The following RABGGTA variants were observed in gnomAD, a reference collection of about 807,000 sequenced individuals.
The protein encoded by RABGGTA is geranylgeranyl transferase type-2 subunit alpha.
In RABGGTA, 69 loss-of-function variants were observed where a neutral mutation model predicts 83.3. That is an observed-to-expected ratio of 0.83 (90% CI 0.68 to 1.01). The LOEUF is 1.01. Among genes scored for constraint, RABGGTA ranks in the 50% least tolerant of loss-of-function variants. The pLI is 0.00. For missense variants in RABGGTA, 681 were observed against 712.7 expected (o/e 0.96, Z 0.51); for synonymous variants, 310 against 299.8 (o/e 1.03, Z -0.35).
chr14:24,266,879 A>T lies in RABGGTA; in HGVS notation c.1364T>A (p.Val455Glu), dbSNP rs2040880502. 2 of 1,613,512 alleles carry T rather than the reference A, an allele frequency of 1.2e-6. No individual in the cohort carries two copies. The highest frequency in any genetic ancestry group is 1.7e-6 in the Non-Finnish European group (2 of 1,179,496). The change falls in exon 15 of 17, where the codon GTG (valine) becomes GAG (glutamate). Residue 455 changes from valine to glutamate, a missense_variant. By Grantham distance (121) the Val-to-Glu change is moderately radical. Transcript: ENST00000216840. ...GAGCAGCTGTTCCAGATGGCAGAGC[A>T]CTGTCAGATCCTGGGGGGTGAAGGG... ...VLHLAHKDLT[V>E]LCHLEQLLLV... is the part of the protein sequence containing the mutation.
intron 14 of RABGGTA, 109 bp downstream of exon 14, chr14:24,267,551 C>CT: frequency 1.2e-6 from 1 of 808,086 alleles, no homozygotes; most frequent in Non-Finnish European, 2.0e-6. Flanking sequence ...GGGATGAACT[C>CT]TATCTTGATT....
In RABGGTA at chr14:24,270,332, A is replaced by G. The variant is rs2040931415; in HGVS notation, c.239+2T>C. ...CTTCTGAGATCCTGAATCCCTACGC[A>G]CTTCTGAGTCTCCAGCTGCTGGAGC... is the stretch of plus-strand genomic sequence containing the variant. On this transcript the variant is annotated splice_donor_variant, in intron 4 of 16. Transcript: ENST00000216840. LOFTEE classifies it high-confidence loss of function. 6.2e-7 allele frequency: 1 copy of G among 1,613,582 alleles called. No homozygotes were observed. Among genetic ancestry groups the G allele is most frequent in the African/African-American group, 1.3e-5 (1 of 75,018 alleles).
At position 24,269,700 on chromosome 14, in the gene RABGGTA, G is replaced by C. The variant is rs779189928; in HGVS notation, c.428-6C>G. 1.2e-6 allele frequency: 2 copies of C among 1,613,526 alleles called. No homozygotes were observed. The highest frequency in any genetic ancestry group is 1.1e-5 in the South Asian group (1 of 91,070). On this transcript the variant is annotated splice_region_variant and splice_polypyrimidine_tract_variant and intron_variant, in intron 5 of 16. Transcript: ENST00000216840. ...CCGATAGTCCCAGCAGTGAACTGGA[G>C]GGGAGAGGTGACAGCATATCTTAGA...
At position 24,268,611 on chromosome 14, in the gene RABGGTA, G is replaced by T; in HGVS notation, c.909C>A (p.Asp303Glu). 1 of 1,613,922 alleles carries T rather than the reference G, an allele frequency of 6.2e-7. No homozygotes were observed. Among genetic ancestry groups the T allele is most frequent in the Non-Finnish European group, 8.5e-7 (1 of 1,179,840 alleles). Residue 303 changes from aspartate to glutamate, a missense_variant, in exon 10 of 17, where the codon GAC (aspartate) becomes GAA (glutamate). By Grantham distance (45) the Asp-to-Glu change is conservative. Around this residue, in one of 5 missense-constraint regions of RABGGTA, gnomAD observed 421 missense variants for 418.5 expected, o/e 1.01. Coordinates refer to ENST00000216840, the MANE Select transcript of RABGGTA (RefSeq NM_182836.3). ...RNRPSHVWLC[D>E]LPAASLNDQL... ...GGTCGTTGAGGGAGGCAGCAGGCAGGTCACAGAGCTGGGAGTACTGGGTCA... is the reference window on the plus strand; with the variant it reads ...GGTCGTTGAGGGAGGCAGCAGGCAGTTCACAGAGCTGGGAGTACTGGGTCA...
chr14:24,267,590 G>A (rs2139037976), intron 14 of RABGGTA, 70 bp downstream of exon 14: 10 of 1,290,522 alleles, frequency 7.7e-6, no homozygotes, highest in Non-Finnish European at 1.1e-5. Context: ...CTGAGACTGG[G>A]GGCAAAGTCA....
chr14:24,269,662 T>G lies in RABGGTA; in HGVS notation c.460A>C (p.Thr154Pro), dbSNP rs769509308. 1.1e-5 allele frequency: 17 copies of G among 1,613,440 alleles called. No homozygotes were observed. In the African/African-American group the frequency reaches 2.1e-4, roughly 20 times the overall value. Residue 154 changes from threonine to proline, a missense_variant, in exon 6 of 17, where the codon ACA (threonine) becomes CCA (proline). Coordinates refer to ENST00000216840, the MANE Select transcript of RABGGTA (RefSeq NM_182836.3). ...HCWDYRRFVA[T>P]QAAVPPAEEL... The stretch of plus-strand genomic sequence containing the variant: ...TCTGCAGGGGGCACGGCTGCCTGTG[T>G]GGCCACAAACCGCCGATAGTCCCAG...
Position 24,269,178 on chromosome 14 carries a change from G to T in RABGGTA, c.632-15C>A. On this transcript the variant is annotated splice_polypyrimidine_tract_variant and intron_variant, in intron 6 of 16. Coordinates refer to ENST00000216840, the MANE Select transcript of RABGGTA (RefSeq NM_182836.3). Reference sequence around the variant, plus strand: ...CAGCTCCAGCTCTGTGGGGTTCCAGGAGGCATGGGGCTGTGGTCAGGACAC... The same window carrying T: ...CAGCTCCAGCTCTGTGGGGTTCCAGTAGGCATGGGGCTGTGGTCAGGACAC... 1 of 1,603,294 alleles carries T rather than the reference G, an allele frequency of 6.2e-7. No homozygotes were observed. The highest frequency in any genetic ancestry group is 8.5e-7 in the Non-Finnish European group (1 of 1,174,186).
intron 1 of RABGGTA, 55 bp from the exon 2 acceptor site, chr14:24,271,224 C>A: frequency 1.5e-6 from 2 of 1,371,604 alleles, no homozygotes; most frequent in South Asian, 1.6e-5. Context: ...CCGCCCACAG[C>A]TGTGTCCGGA....
rs781340336 is a variant in RABGGTA, at chr14:24,270,873, C to T, written c.78G>A (p.Lys26=). 1.2e-6 allele frequency: 2 copies of T among 1,613,910 alleles called. No individual in the cohort carries two copies. The highest frequency in any genetic ancestry group is 2.2e-5 in the East Asian group (1 of 44,902). ...CGGCCTGGGTGGCTGACTGGTATAGCTTCAGCTTCTGCTCTCGCTCTAGCC... is the reference window on the plus strand; with the variant it reads ...CGGCCTGGGTGGCTGACTGGTATAGTTTCAGCTTCTGCTCTCGCTCTAGCC... ...AKRLEREQKL[K]LYQSATQAVF... is the part of the protein sequence containing the mutation. The change falls in exon 3 of 17, where the codon AAG becomes AAA. Residue 26 remains lysine, a synonymous_variant. Coordinates refer to ENST00000216840, the MANE Select transcript of RABGGTA (RefSeq NM_182836.3).
chr14:24,267,728 A>G lies in RABGGTA; in HGVS notation c.1285T>C (p.Phe429Leu). The G allele has an allele frequency of 6.2e-7, 1 of 1,612,112 alleles. No individual in the cohort carries two copies. The highest frequency in any genetic ancestry group is 8.5e-7 in the Non-Finnish European group (1 of 1,179,840). ...ATYLDDLRSK[F>L]LLENSVLKME... ...TTGAGCACGCTATTCTCCAGCAAGAACTTGCTGCGCAGGTCATCCAGATAC... is the reference window on the plus strand; with the variant it reads ...TTGAGCACGCTATTCTCCAGCAAGAGCTTGCTGCGCAGGTCATCCAGATAC... Residue 429 changes from phenylalanine (F) to leucine (L), a missense_variant, in exon 14 of 17, where the codon TTC becomes CTC. Physicochemically the swap from Phe to Leu is conservative, Grantham distance 22. Coordinates refer to ENST00000216840, the MANE Select transcript of RABGGTA (RefSeq NM_182836.3).
chr14:24,270,797 G>A, intron 3 of RABGGTA, 40 bp downstream of exon 3: 2 of 1,597,872 alleles, frequency 1.3e-6, no homozygotes, highest in Non-Finnish European at 1.7e-6. Context: ...ACTATACTAA[G>A]GGAGCTACTT....
chr14:24,269,394 C>G, intron 6 of RABGGTA, 97 bp downstream of exon 6: 1 of 1,401,394 alleles, frequency 7.1e-7, no homozygotes, highest in Admixed American at 1.7e-5. Context: ...AGTAGGTGCT[C>G]AATAAACCTG....
In RABGGTA at chr14:24,271,149, TC is replaced by T; in HGVS notation, c.-35del. Reference sequence around the variant, plus strand: ...CTCAGGGTTCAAGACAGGGGAAGGGTCCAGTGGTAGCCCTTGAAGTCTGAGG... The same window carrying T: ...CTCAGGGTTCAAGACAGGGGAAGGGTCAGTGGTAGCCCTTGAAGTCTGAGG... On this transcript the variant is annotated 5_prime_UTR_variant, in exon 2 of 17. Coordinates refer to ENST00000216840, the MANE Select transcript of RABGGTA (RefSeq NM_182836.3). 1 of 1,523,362 alleles carries T rather than the reference TC, an allele frequency of 6.6e-7. No homozygotes were observed. The highest frequency in any genetic ancestry group is 8.8e-7 in the Non-Finnish European group (1 of 1,136,776). The allele number at this position is 1,523,362 out of a possible 1,614,324, so 94.4% of individuals were successfully genotyped here.
In RABGGTA at chr14:24,265,560, C is replaced by T; in HGVS notation, c.*55G>A. 1 of 1,576,120 alleles carries T rather than the reference C, an allele frequency of 6.3e-7. No individual in the cohort carries two copies. The highest frequency in any genetic ancestry group is 8.6e-7 in the Non-Finnish European group (1 of 1,156,304). ...AGCTTGGTAGCCTGAGAGGGCCTCT[C>T]CATTCTTTATTCAGTCCCAATAAGT... On this transcript the variant is annotated 3_prime_UTR_variant, in exon 17 of 17. Coordinates refer to ENST00000216840, the MANE Select transcript of RABGGTA (RefSeq NM_182836.3).
intron 14 of RABGGTA, 72 bp downstream of exon 14, chr14:24,267,587 TG>T: frequency 8.0e-7 from 1 of 1,257,394 alleles, no homozygotes; most frequent in Non-Finnish European, 1.1e-6. Context: ...CACCTGAGAC[TG>T]GGGGCAAAGT....
At position 24,269,499 on chromosome 14, in the gene RABGGTA, A is replaced by G. The variant is rs1213668494; in HGVS notation, c.623T>C (p.Leu208Pro). 1.9e-6 allele frequency: 3 copies of G among 1,583,606 alleles called. No individual in the cohort carries two copies. The highest frequency in any genetic ancestry group is 2.6e-6 in the Non-Finnish European group (3 of 1,152,496). Residue 208 changes from leucine to proline, a missense_variant, in exon 6 of 17, where the codon CTG becomes CCG. By Grantham distance (98) the Leu-to-Pro change is moderately conservative. Around this residue, in one of 5 missense-constraint regions of RABGGTA, gnomAD observed 122 missense variants for 118.9 expected, o/e 1.03. Coordinates refer to ENST00000216840, the MANE Select transcript of RABGGTA (RefSeq NM_182836.3). ...TCCCTGACCCTGGTTACCTTTGAGCAGCACATCCTCAGGGAGGCGCCCCTG... is the reference window on the plus strand; with the variant it reads ...TCCCTGACCCTGGTTACCTTTGAGCGGCACATCCTCAGGGAGGCGCCCCTG... ...GPQGRLPEDVLLKELELVQNA... is the reference protein window; with the variant it reads ...GPQGRLPEDVPLKELELVQNA...
chr14:24,266,351 C>T (rs910745932), intron 16 of RABGGTA, 79 bp downstream of exon 16: 35 of 1,345,310 alleles, frequency 2.6e-5, no homozygotes, highest in Non-Finnish European at 3.6e-5. Flanking sequence ...GTGGCACATA[C>T]CCTGCCTGCT....
At position 24,265,714 on chromosome 14, in the gene RABGGTA, C is replaced by G. The variant is rs1461893232; in HGVS notation, c.1605G>C (p.Leu535=). ...GGTTACCCTGCAGGTTGAGGAGGAC[C>G]AGCCTGGGGCAGGAGGCAAGAGGCT... ...VLQPLASCPR[L]VLLNLQGNPL... Residue 535 remains leucine (L), a synonymous_variant, in exon 17 of 17, where the codon CTG becomes CTC. Coordinates refer to ENST00000216840, the MANE Select transcript of RABGGTA (RefSeq NM_182836.3). The G allele has an allele frequency of 6.2e-7, 1 of 1,612,430 alleles. No individual in the cohort carries two copies. Among genetic ancestry groups the G allele is most frequent in the Non-Finnish European group, 8.5e-7 (1 of 1,179,368 alleles).
At chr14:24,267,333 G>T (rs2040886605) in intron 14 of RABGGTA, among the ~76,000 whole-genome samples, 1 of 152,178 alleles carries the variant, frequency 6.6e-6, no homozygotes, top group South Asian at 2.1e-4. Context: ...TTGGCCTTCA[G>T]GTATTGGAGG....
Sources: gnomAD v4.1 joint callset for allele counts (sites outside exome capture counted in the v4.1 genomes callset) on GRCh38, gnomAD v4.1.1 for gene constraint, gnomAD v4.1.1 regional missense constraint, MANE v1.5 for transcripts, NCBI Gene and HGNC (gene_info 2026-07-23, HGNC 2026-07-21) for gene names.